PAQR5: variants seen among roughly 807,000 people sequenced by gnomAD.
PAQR5 encodes the protein membrane progestin receptor gamma.
A neutral mutation model predicts 34.5 loss-of-function variants in PAQR5; 20 were observed. That is an observed-to-expected ratio of 0.58 (90% CI 0.41 to 0.84). PAQR5 has a LOEUF of 0.84. Ranked by LOEUF, PAQR5 falls within the 40% of genes least tolerant of loss-of-function variation. The pLI, the probability that PAQR5 is intolerant of heterozygous loss-of-function variation, is 0.00. For missense variants in PAQR5, 378 were observed against 412.7 expected (o/e 0.92, Z 0.73); for synonymous variants, 131 against 155.6 (o/e 0.84, Z 1.18).
At chr15:69,356,868 A>G (rs2055092018) in intron 2 of PAQR5, among the ~76,000 whole-genome samples, 1 of 151,986 alleles carries the variant, frequency 6.6e-6, no homozygotes, top group South Asian at 2.1e-4. Flanking sequence ...TATTTCACTG[A>G]TATAGTTTGA....
chr15:69,310,058 C>A (rs9744340), intron 1 of PAQR5, among the ~76,000 whole-genome samples: 62,568 of 150,816 alleles, frequency 0.41, 13,406 homozygotes, highest in African/African-American at 0.52. Context: ...AAAAAAAAAA[C>A]AAAAAAAACA....
chr15:69,339,078 C>T (rs1178916863), intron 2 of PAQR5, among the ~76,000 whole-genome samples: 1 of 151,910 alleles, frequency 6.6e-6, no homozygotes, highest in African/African-American at 2.4e-5. Flanking sequence ...ATCTTGTGGG[C>T]CCCACCCAGG....
At chr15:69,355,996 C>G (rs1425883663) in intron 2 of PAQR5, among the ~76,000 whole-genome samples, 1 of 152,090 alleles carries the variant, frequency 6.6e-6, no homozygotes, top group Non-Finnish European at 1.5e-5. Context: ...ATGCAGTAAG[C>G]AGTGAATGAA....
chr15:69,300,630 T>A (rs1209217298), intron 1 of PAQR5, among the ~76,000 whole-genome samples: 1 of 50,028 alleles, frequency 2.0e-5, no homozygotes, highest in African/African-American at 6.1e-5. Context: ...TCTTTCTTTC[T>A]TTCTTTCTTT....
chr15:69,369,099 T>C (rs895068541), intron 3 of PAQR5, among the ~76,000 whole-genome samples: 2 of 152,182 alleles, frequency 1.3e-5, no homozygotes, highest in East Asian at 3.8e-4. Flanking sequence ...TTGTTTCCTG[T>C]TTATCTTTAT....
intron 2 of PAQR5, among the ~76,000 whole-genome samples, chr15:69,355,421 CT>C (rs1376424681): frequency 1.0e-4 from 12 of 115,778 alleles, no homozygotes; most frequent in Non-Finnish European, 1.7e-4. Context: ...TTTTCTTTTT[CT>C]TTTTCTTTTT....
chr15:69,370,471 G>A (rs1417776146), intron 3 of PAQR5, among the ~76,000 whole-genome samples: 1 of 152,132 alleles, frequency 6.6e-6, no homozygotes, highest in Non-Finnish European at 1.5e-5. Flanking sequence ...GTTATGTAAA[G>A]TGGTTCTATT....
chr15:69,352,146 CT>C, intron 2 of PAQR5, among the ~76,000 whole-genome samples: 1 of 152,284 alleles, frequency 6.6e-6, no homozygotes, highest in South Asian at 2.1e-4. Flanking sequence ...TGGCAGGCCC[CT>C]ATAGGTGAAC....
chr15:69,339,175 C>CT (rs552641656), intron 2 of PAQR5, among the ~76,000 whole-genome samples: 2 of 146,186 alleles, frequency 1.4e-5, no homozygotes, highest in Non-Finnish European at 3.1e-5. Flanking sequence ...GCTACACCCC[C>CT]CACCCCGCCA....
At chr15:69,323,481 TG>T (rs2054175773) in intron 1 of PAQR5, among the ~76,000 whole-genome samples, 1 of 152,114 alleles carries the variant, frequency 6.6e-6, no homozygotes, top group Non-Finnish European at 1.5e-5. Context: ...AGAGGCAGGA[TG>T]GGGGCACATA....
intron 1 of PAQR5, among the ~76,000 whole-genome samples, chr15:69,300,807 T>TTTCCTTCC (rs56373718): frequency 0.018 from 415 of 23,410 alleles, 114 homozygotes; most frequent in South Asian, 0.059. Flanking sequence ...TCTTTCCTTC[T>TTTCCTTCC]TTCCTTCCTT....
rs550894092 is a variant in PAQR5 at position 69,365,623 on chromosome 15, A to G, written c.51+5492A>G. 1.9e-4 allele frequency among the ~76,000 whole-genome samples: 29 copies of G among 152,342 alleles called. No homozygotes were observed. In the South Asian group the frequency reaches 2.3e-3, roughly 12 times the overall value. The stretch of plus-strand genomic sequence containing the variant: ...TATTTTGTTCAGGATCTTTAAGTCT[A>G]TTAATGAGTTGGCCTATAATGTTTT... On this transcript the variant is annotated intron_variant, in intron 3 of 8. Coordinates refer to ENST00000395407, the MANE Select transcript of PAQR5 (RefSeq NM_017705.4).
intron 3 of PAQR5, among the ~76,000 whole-genome samples, chr15:69,368,409 C>G (rs917563909): frequency 6.6e-6 from 1 of 152,198 alleles, no homozygotes; most frequent in Non-Finnish European, 1.5e-5. Flanking sequence ...ATGGCCCCAA[C>G]CTAACTTTGA....
chr15:69,372,243 C>T (rs1311435509), intron 3 of PAQR5, among the ~76,000 whole-genome samples: 8 of 151,900 alleles, frequency 5.3e-5, no homozygotes, highest in South Asian at 4.1e-4. Context: ...TTGTGCTGCA[C>T]GTAAAAAAAG....
chr15:69,329,184 C>G (rs1371693012), intron 1 of PAQR5, among the ~76,000 whole-genome samples: 1 of 152,168 alleles, frequency 6.6e-6, no homozygotes, highest in African/African-American at 2.4e-5. Context: ...TTGTTGAAAG[C>G]CATAGCCCTT....
At chr15:69,299,221 G>T (rs2053465493) in intron 1 of PAQR5, among the ~76,000 whole-genome samples, 165 bp downstream of exon 1, 1 of 152,170 alleles carries the variant, frequency 6.6e-6, no homozygotes, top group African/African-American at 2.4e-5. Context: ...GGGCGGCCCT[G>T]ATCCGGCGGC....
chr15:69,303,668 C>T (rs960036420), intron 1 of PAQR5, among the ~76,000 whole-genome samples: 17 of 152,052 alleles, frequency 1.1e-4, no homozygotes, highest in African/African-American at 3.6e-4. Flanking sequence ...TCCAGGCAGC[C>T]GTGGGAGAAG....
intron 2 of PAQR5, among the ~76,000 whole-genome samples, chr15:69,352,899 A>G (rs933819511): frequency 9.2e-5 from 14 of 152,246 alleles, no homozygotes. Context: ...ATTGGGCAAA[A>G]GAGGTGAAGA....
At chr15:69,312,327 G>A (rs12914814) in intron 1 of PAQR5, among the ~76,000 whole-genome samples, 3 of 152,170 alleles carry the variant, frequency 2.0e-5, no homozygotes, top group Non-Finnish European at 2.9e-5. Context: ...TGGGGGCTCA[G>A]AGTGGGGCTT....
Sources: allele counts gnomAD v4.1 joint callset (sites outside exome capture counted in the v4.1 genomes callset), GRCh38; gene constraint gnomAD v4.1.1; transcripts MANE v1.5; gene names NCBI Gene and HGNC (gene_info 2026-07-23, HGNC 2026-07-21).